Variants in TLK1 observed in about 807,000 individuals in gnomAD.
TLK1 encodes the protein serine/threonine-protein kinase tousled-like 1.
TLK1 carries 24 observed loss-of-function variants against 105.3 expected under a neutral mutation model. The ratio of observed to expected loss-of-function variants is 0.23; its 90% CI spans 0.17 to 0.32. The LOEUF is 0.32. Ranked by LOEUF, TLK1 falls within the 10% of genes least tolerant of loss-of-function variation. The pLI, the probability that TLK1 is intolerant of heterozygous loss-of-function variation, is 1.00. For missense variants in TLK1, 558 were observed against 910.5 expected, an observed-to-expected ratio of 0.61 and a Z score of 4.98; for synonymous variants, 321 against 310.4, an observed-to-expected ratio of 1.03 and a Z score of -0.36.
chr2:170,993,796 C>G lies in TLK1; in HGVS notation c.2285G>C (p.Ser762Thr). 6.3e-7 allele frequency: 1 copy of G among 1,591,076 alleles called. No individual in the cohort carries two copies. The highest frequency in any genetic ancestry group is 1.4e-5 in the African/African-American group (1 of 73,962). ...GGAGGAAAGTCAGTAAGTAATTATG[C>G]TTGAAGAAGGGGGTGTAGGGGATGC... is the stretch of plus-strand genomic sequence containing the variant. ...LTASPTPPSS[S>T]IITY The change falls in exon 21 of 21, where the codon AGC becomes ACC. Residue 762 changes from serine to threonine, a missense_variant. Transcript: ENST00000431350.
At chr2:171,064,115 T>C (rs1379501316) in intron 3 of TLK1, among the ~76,000 whole-genome samples, 2 of 152,168 alleles carry the variant, frequency 1.3e-5, no homozygotes, top group Non-Finnish European at 2.9e-5. Flanking sequence ...ATAATTATAG[T>C]AAAGAAGGCA....
intron 1 of TLK1, among the ~76,000 whole-genome samples, chr2:171,166,487 T>C (rs904937042): frequency 1.3e-5 from 2 of 152,254 alleles, no homozygotes; most frequent in Non-Finnish European, 2.9e-5. Flanking sequence ...ATGTTTGTGG[T>C]TTGATAAAGT....
At chr2:171,099,950 G>A (rs1488461759) in intron 2 of TLK1, among the ~76,000 whole-genome samples, 2 of 152,124 alleles carry the variant, frequency 1.3e-5, no homozygotes, top group African/African-American at 4.8e-5. Context: ...TCTGGATTAA[G>A]CAATGATTTC....
At chr2:171,117,694 T>TA (rs779234746) in intron 2 of TLK1, 45 bp downstream of exon 2, 1 of 1,466,440 alleles carries the variant, frequency 6.8e-7, no homozygotes, top group South Asian at 1.2e-5. Flanking sequence ...TTAGATCATT[T>TA]AATAGAAAGA....
intron 20 of TLK1, chr2:170,994,744 C>T (rs567254498): frequency 7.8e-6 from 4 of 513,168 alleles, no homozygotes; most frequent in Admixed American, 7.8e-5. Context: ...CTTCTAAAAC[C>T]ATAGTTGAGT....
chr2:171,016,127 C>T (rs528348275), intron 12 of TLK1, among the ~76,000 whole-genome samples: 2 of 152,260 alleles, frequency 1.3e-5, no homozygotes, highest in South Asian at 4.1e-4. Context: ...AAAGGATAAG[C>T]CTGTGCCAGG....
At chr2:171,224,439 A>AT (rs139873555) in intron 1 of TLK1, among the ~76,000 whole-genome samples, 16 of 150,048 alleles carry the variant, frequency 1.1e-4, no homozygotes, top group South Asian at 4.2e-4. Flanking sequence ...AAATTTCATA[A>AT]TTTTTTTTTT....
intron 1 of TLK1, among the ~76,000 whole-genome samples, chr2:171,130,938 T>A (rs1388440447): frequency 1.3e-5 from 2 of 152,198 alleles, no homozygotes; most frequent in Non-Finnish European, 2.9e-5. Flanking sequence ...AATGGTCCTC[T>A]AGAAAGACAT....
At position 170,993,790 on chromosome 2, in the gene TLK1, A is replaced by T. The variant is rs778975034; in HGVS notation, c.2291T>A (p.Ile764Asn). The change falls in exon 21 of 21, where the codon ATT (isoleucine) becomes AAT (asparagine). Residue 764 changes from isoleucine to asparagine, a missense_variant. Ile to Asn is a moderately radical substitution (Grantham distance 149). Around this residue, in one of 5 missense-constraint regions of TLK1, gnomAD observed 27 missense variants for 22.5 expected, o/e 1.20. Coordinates refer to ENST00000431350, the MANE Select transcript of TLK1 (RefSeq NM_012290.5). ...AATCTTGGAGGAAAGTCAGTAAGTA[A>T]TTATGCTTGAAGAAGGGGGTGTAGG... ...ASPTPPSSSI[I>N]TY 8 of 1,587,158 alleles carry T rather than the reference A, an allele frequency of 5.0e-6. No homozygotes were observed. The Admixed American group carries it at 1.4e-4, about 28-fold the overall frequency.
At chr2:170,997,888 TG>T in intron 18 of TLK1, 65 bp from the exon 19 acceptor site, 2 of 994,566 alleles carry the variant, frequency 2.0e-6, no homozygotes, top group Non-Finnish European at 3.0e-6. Flanking sequence ...ATCTTCTAAG[TG>T]TAAAATCTTA....
Position 171,160,480 on chromosome 2 carries a change from A to G in TLK1, c.-52T>C. 1 of 1,570,686 alleles carries G rather than the reference A, an allele frequency of 6.4e-7. No homozygotes were observed. The highest frequency in any genetic ancestry group is 8.6e-7 in the Non-Finnish European group (1 of 1,163,210). ...CCCCCCTGCGACGGCAGCGGCGGCA[A>G]CGGCACCGGCACCCGCCTCCGTCAT... On this transcript the variant is annotated 5_prime_UTR_variant, in exon 1 of 21. Transcript: ENST00000431350. This position sits in a 1 kb window ranked among gnomAD's most constrained non-coding sequence, Gnocchi z 4.4.
intron 19 of TLK1, among the ~76,000 whole-genome samples, 160 bp from the exon 20 acceptor site, chr2:170,996,920 C>T (rs180761053): frequency 6.6e-6 from 1 of 152,276 alleles, no homozygotes; most frequent in Non-Finnish European, 1.5e-5. Context: ...CTCATACAAA[C>T]AAGCTATAAT....
chr2:171,175,536 G>A (rs762012141), intron 1 of TLK1, among the ~76,000 whole-genome samples: 1 of 152,176 alleles, frequency 6.6e-6, no homozygotes. Context: ...ATGGGAAGGT[G>A]GTCCTTAAAC....
At chr2:171,044,209 G>C (rs915093374) in intron 11 of TLK1, among the ~76,000 whole-genome samples, 2 of 152,090 alleles carry the variant, frequency 1.3e-5, no homozygotes, top group African/African-American at 4.8e-5. Flanking sequence ...TACAGCTTGA[G>C]CCCAGGAGTT....
At chr2:171,037,718 T>C (rs1453395625) in intron 11 of TLK1, among the ~76,000 whole-genome samples, 1 of 152,222 alleles carries the variant, frequency 6.6e-6, no homozygotes, top group Non-Finnish European at 1.5e-5. Flanking sequence ...CAACTTGGTC[T>C]TCATAAATTA....
At chr2:171,162,314 C>T (rs1240435630), upstream of TLK1, among the ~76,000 whole-genome samples, 1 of 152,282 alleles carries the variant, frequency 6.6e-6, no homozygotes, top group East Asian at 1.9e-4. Context: ...CCGAGGTGGG[C>T]GGATCACGAG....
intron 8 of TLK1, 115 bp from the exon 9 acceptor site, chr2:171,050,289 C>A: frequency 3.2e-6 from 2 of 617,192 alleles, no homozygotes; most frequent in South Asian, 3.8e-5. Context: ...TATTAAATAT[C>A]TGAGTATGAT....
intron 18 of TLK1, among the ~76,000 whole-genome samples, chr2:170,998,460 C>T (rs1385026593): frequency 6.6e-6 from 1 of 152,144 alleles, no homozygotes; most frequent in Non-Finnish European, 1.5e-5. Context: ...TCTCCTTTAT[C>T]CTCTGAGCTC....
intron 1 of TLK1, among the ~76,000 whole-genome samples, chr2:171,210,114 G>A (rs1693585412): frequency 6.6e-6 from 1 of 152,006 alleles, no homozygotes; most frequent in African/African-American, 2.4e-5. Flanking sequence ...TTACTGTTCT[G>A]AATTTGAATG....
Sources: gnomAD v4.1 joint callset for allele counts (sites outside exome capture counted in the v4.1 genomes callset) on GRCh38, gnomAD v4.1.1 for gene constraint, gnomAD v4.1.1 regional missense constraint, Gnocchi (gnomAD v3.1) non-coding constraint, MANE v1.5 for transcripts, NCBI Gene and HGNC (gene_info 2026-07-23, HGNC 2026-07-21) for gene names.